The following KL variants were observed in gnomAD, a reference collection of about 807,000 sequenced individuals.
KL encodes alpha-klotho.
A neutral mutation model predicts 84.2 loss-of-function variants in KL; 62 were observed. The observed-to-expected ratio is 0.74, with a 90% CI of 0.60 to 0.91. KL has a LOEUF of 0.91. Among genes scored for constraint, KL ranks in the 40% least tolerant of loss-of-function variants. The probability of loss-of-function intolerance (pLI) is 0.00; values close to 1 mark genes in which losing one functional copy is unlikely to be tolerated. For synonymous variants in KL, 528 were observed against 528.0 expected (o/e 1.00, Z 0.00); for missense variants, 1,261 against 1,305.7 (o/e 0.97, Z 0.53).
intron 1 of KL, among the ~76,000 whole-genome samples, chr13:33,030,224 A>G (rs1870928178): frequency 6.6e-6 from 1 of 152,132 alleles, no homozygotes; most frequent in Admixed American, 6.5e-5. Context: ...GCTTAATACT[A>G]TTACAATGGC....
chr13:33,051,075 G>A (rs1871729397), intron 1 of KL, among the ~76,000 whole-genome samples: 1 of 152,160 alleles, frequency 6.6e-6, no homozygotes, highest in South Asian at 2.1e-4. Flanking sequence ...CTTTTGGTTT[G>A]TTCATCCTCT....
At chr13:33,060,357 A>G (rs1412282237) in intron 3 of KL, among the ~76,000 whole-genome samples, 1 of 152,190 alleles carries the variant, frequency 6.6e-6, no homozygotes, top group African/African-American at 2.4e-5. Context: ...ACACCCAAAA[A>G]TACTCTGCTT....
At chr13:33,056,569 G>A (rs1203615943) in intron 3 of KL, among the ~76,000 whole-genome samples, 1 of 151,822 alleles carries the variant, frequency 6.6e-6, no homozygotes, top group Non-Finnish European at 1.5e-5. Context: ...GCCGAGGCGG[G>A]CGGATCATGA....
chr13:33,018,959 G>A (rs757295336), intron 1 of KL, among the ~76,000 whole-genome samples: 18 of 152,146 alleles, frequency 1.2e-4, no homozygotes, highest in Non-Finnish European at 2.4e-4. Context: ...ACATGTTTTA[G>A]ATCTTTTTGC....
In KL at chr13:33,061,567, G is replaced by A; in HGVS notation, c.2488G>A (p.Val830Met). Residue 830 changes from valine (V) to methionine (M), a missense_variant, in exon 4 of 5, where the codon GTG becomes ATG. By Grantham distance (21) the Val-to-Met change is conservative. Coordinates refer to ENST00000380099, the MANE Select transcript of KL (RefSeq NM_004795.4). ...DPIKYNDYLE[V>M]QEMTDITWLN... The stretch of plus-strand genomic sequence containing the variant: ...AATAAAATACAATGATTACCTAGAA[G>A]TGCAAGAAATGACCGACATCACGTG... 1 of 1,614,220 alleles carries A rather than the reference G, an allele frequency of 6.2e-7. No homozygotes were observed. Among genetic ancestry groups the A allele is most frequent in the Middle Eastern group, 1.6e-4 (1 of 6,062 alleles).
At chr13:33,028,970 G>A (rs545607178) in intron 1 of KL, among the ~76,000 whole-genome samples, 3 of 142,262 alleles carry the variant, frequency 2.1e-5, no homozygotes, top group African/African-American at 7.8e-5. Flanking sequence ...AAAAGAAAAC[G>A]TCTTAAGAGT....
Position 33,016,566 on chromosome 13 carries a change from G to C in KL, c.126G>C (p.Trp42Cys). ...AGCCGGGCGACGGCGCGCAGACCTG[G>C]GCCCGTTTCTCGCGGCCTCCTGCCC... Reference protein sequence around the residue: ...RAEPGDGAQTWARFSRPPAPE... With the variant: ...RAEPGDGAQTCARFSRPPAPE... Residue 42 changes from tryptophan (W) to cysteine (C), a missense_variant, in exon 1 of 5, where the codon TGG (tryptophan) becomes TGC (cysteine). Coordinates refer to ENST00000380099, the MANE Select transcript of KL (RefSeq NM_004795.4). 1.4e-6 allele frequency: 2 copies of C among 1,476,176 alleles called. No individual in the cohort carries two copies. The highest frequency in any genetic ancestry group is 1.8e-6 in the Non-Finnish European group (2 of 1,116,540). The allele number at this position is 1,476,176 out of a possible 1,614,324, so 91.4% of individuals were successfully genotyped here.
chr13:33,057,274 G>A (rs2138237443), intron 3 of KL, among the ~76,000 whole-genome samples: 1 of 152,228 alleles, frequency 6.6e-6, no homozygotes, highest in South Asian at 2.1e-4. Context: ...AACGAATGCA[G>A]AACAAGAGTG....
rs1368657235 is a variant in KL at position 33,064,950 on chromosome 13, T to C, written c.*764T>C. ...AAAAACAAACATGAATCCTGTGATATTGGGCTCTTCAGGAAGCATAAAGCA... is the reference window on the plus strand; with the variant it reads ...AAAAACAAACATGAATCCTGTGATACTGGGCTCTTCAGGAAGCATAAAGCA... On this transcript the variant is annotated 3_prime_UTR_variant, in exon 5 of 5. Transcript: ENST00000380099. The C allele has an allele frequency of 2.2e-5, 5 of 228,466 alleles. No individual in the cohort carries two copies. The highest frequency in any genetic ancestry group is 4.3e-5 in the Non-Finnish European group (5 of 115,132). 14.2% of individuals were successfully genotyped at this position (228,466 alleles called of 1,614,324 possible). A position where few individuals can be genotyped will look rare whatever the true frequency, so the allele number is the denominator to read the frequency against.
intron 4 of KL, among the ~76,000 whole-genome samples, chr13:33,062,397 G>A (rs1479313034): frequency 6.8e-6 from 1 of 146,758 alleles, no homozygotes; most frequent in Non-Finnish European, 1.5e-5. Flanking sequence ...AAAAGACCAA[G>A]CATGGTGGCT....
intron 1 of KL, among the ~76,000 whole-genome samples, chr13:33,036,928 AAGG>A (rs1871162802): frequency 6.6e-6 from 1 of 152,156 alleles, no homozygotes; most frequent in Non-Finnish European, 1.5e-5. Flanking sequence ...GTGATTTCTA[AAGG>A]AGATCTAATC....
Position 33,064,716 on chromosome 13 carries a change from G to T in KL, c.*530G>T. On this transcript the variant is annotated 3_prime_UTR_variant, in exon 5 of 5. Transcript: ENST00000380099. ...AGAGACGACAGAGGGTCCTAGGCTG[G>T]AATGTTCCTTTCGAAAGCAATGCTT... 4.4e-6 allele frequency: 1 copy of T among 226,070 alleles called. No individual in the cohort carries two copies. Among genetic ancestry groups the T allele is most frequent in the Non-Finnish European group, 8.8e-6 (1 of 113,704 alleles). 14.0% of individuals were successfully genotyped at this position (226,070 alleles called of 1,614,324 possible).
chr13:33,058,292 T>G (rs184210029), intron 3 of KL, among the ~76,000 whole-genome samples: 111 of 152,172 alleles, frequency 7.3e-4, no homozygotes, highest in Admixed American at 1.5e-3. Context: ...AGTTAACAAA[T>G]TAATGGAGGT....
chr13:33,027,305 C>T (rs1024697732), intron 1 of KL, among the ~76,000 whole-genome samples: 7 of 152,250 alleles, frequency 4.6e-5, no homozygotes, highest in South Asian at 2.1e-4. Context: ...TTTTTAGGGA[C>T]GAGGCCTCTT....
At chr13:33,025,577 A>T (rs1015622868) in intron 1 of KL, among the ~76,000 whole-genome samples, 16 of 152,168 alleles carry the variant, frequency 1.1e-4, no homozygotes, top group Admixed American at 3.9e-4. Flanking sequence ...GAATGGCTGA[A>T]GCGTCAGGTG....
chr13:33,034,540 CA>C (rs139240544), intron 1 of KL, among the ~76,000 whole-genome samples: 113 of 146,222 alleles, frequency 7.7e-4, no homozygotes, highest in South Asian at 2.2e-3. Context: ...TGAGTGCCAC[CA>C]AAAAAAAAAA....
Position 33,016,562 on chromosome 13 carries a change from C to T in KL, c.122C>T (p.Thr41Ile). The T allele has an allele frequency of 6.8e-7, 1 of 1,473,690 alleles. No individual in the cohort carries two copies. Among genetic ancestry groups the T allele is most frequent in the South Asian group, 1.4e-5 (1 of 72,932 alleles). 91.3% of individuals were successfully genotyped at this position (1,473,690 alleles called of 1,614,324 possible). Residue 41 changes from threonine (T) to isoleucine (I), a missense_variant, in exon 1 of 5, where the codon ACC becomes ATC. Thr to Ile is a moderately conservative substitution (Grantham distance 89). Coordinates refer to ENST00000380099, the MANE Select transcript of KL (RefSeq NM_004795.4). ...LRAEPGDGAQ[T>I]WARFSRPPAP... ...GCGGAGCCGGGCGACGGCGCGCAGA[C>T]CTGGGCCCGTTTCTCGCGGCCTCCT... is the stretch of plus-strand genomic sequence containing the variant.
chr13:33,024,925 G>A (rs751297602), intron 1 of KL, among the ~76,000 whole-genome samples: 1 of 152,092 alleles, frequency 6.6e-6, no homozygotes, highest in South Asian at 2.1e-4. Context: ...AAGGTATACT[G>A]CTTGGGCTGC....
At chr13:33,055,004 CA>C (rs770054152) in intron 2 of KL, 42 bp from the exon 3 acceptor site, 2 of 1,613,700 alleles carry the variant, frequency 1.2e-6, no homozygotes, top group Admixed American at 3.3e-5. Context: ...TGCAAGTGCC[CA>C]GCGAAGGGTC....
Sources: allele counts gnomAD v4.1 joint callset (sites outside exome capture counted in the v4.1 genomes callset), GRCh38; gene constraint gnomAD v4.1.1; transcripts MANE v1.5; gene names NCBI Gene and HGNC (gene_info 2026-07-23, HGNC 2026-07-21).